The following OR8B8 variants were observed in gnomAD, a reference collection of about 807,000 sequenced individuals.
OR8B8 encodes the protein olfactory receptor 8B8.
In OR8B8, 8 loss-of-function variants were observed where a neutral mutation model predicts 10.5. The observed-to-expected ratio is 0.76, with a 90% CI of 0.45 to 1.38. OR8B8 has a LOEUF of 1.38. OR8B8 is among the 40% of genes most tolerant of loss of function. OR8B8 has a pLI of 0.00. For missense variants in OR8B8, 390 were observed against 380.5 expected (o/e 1.03, Z -0.21); for synonymous variants, 150 against 145.2 (o/e 1.03, Z -0.24).
rs1413733903 is a variant in OR8B8 at position 124,440,338 on chromosome 11, G to C, written c.748C>G (p.Leu250Val). 9 of 1,614,114 alleles carry C rather than the reference G, an allele frequency of 5.6e-6. No homozygotes were observed. Among genetic ancestry groups the C allele is most frequent in the African/African-American group, 2.7e-5 (2 of 74,934 alleles). Residue 250 changes from leucine to valine, a missense_variant, in exon 3 of 3, where the codon CTG becomes GTG. Physicochemically the swap from Leu to Val is conservative, Grantham distance 32 (BLOSUM62 1). Coordinates refer to ENST00000642064, the MANE Select transcript of OR8B8 (RefSeq NM_012378.2). ...ATGAATGCTCCTGACCCAAAGAACA[G>C]AGAAACTGCAATTATGTGGGAGCTG... is the stretch of plus-strand genomic sequence containing the variant. ...TCSSHIIAVS[L>V]FFGSGAFMYL...
chr11:124,441,931 T>TG, intron 1 of OR8B8, among the ~76,000 whole-genome samples: 1 of 152,198 alleles, frequency 6.6e-6, no homozygotes, highest in Non-Finnish European at 1.5e-5. Context: ...CTCATACCCT[T>TG]GATAATATTT....
intron 1 of OR8B8, among the ~76,000 whole-genome samples, chr11:124,442,772 C>T (rs957370520): frequency 1.3e-5 from 2 of 152,194 alleles, no homozygotes; most frequent in African/African-American, 2.4e-5. Context: ...TGACAAAAGT[C>T]ATCCCTTCTG....
At chr11:124,442,097 C>T (rs1591449476) in intron 1 of OR8B8, among the ~76,000 whole-genome samples, 1 of 152,122 alleles carries the variant, frequency 6.6e-6, no homozygotes, top group East Asian at 1.9e-4. Context: ...CCTCAGCATG[C>T]CAGGATCCAA....
chr11:124,442,456 T>A (rs1861483893), intron 1 of OR8B8, among the ~76,000 whole-genome samples: 1 of 152,224 alleles, frequency 6.6e-6, no homozygotes, highest in African/African-American at 2.4e-5. Context: ...AACCTATCAC[T>A]TATATTTCAG....
chr11:124,440,714 C>T lies in OR8B8; in HGVS notation c.372G>A (p.Val124=), dbSNP rs1280324600. The T allele has an allele frequency of 1.2e-6, 2 of 1,614,020 alleles. No individual in the cohort carries two copies. Among genetic ancestry groups the T allele is most frequent in the Admixed American group, 3.3e-5 (2 of 60,004 alleles). ...ILSAMAYDRY[V]AICNPLLYMV... is the part of the protein sequence containing the mutation. ...TGTACAACAGTGGGTTACAGATGGC[C>T]ACATAGCGGTCATACGCCATTGCTG... is the stretch of plus-strand genomic sequence containing the variant. Residue 124 remains valine, a synonymous_variant, in exon 3 of 3, where the codon GTG becomes GTA. Transcript: ENST00000642064.
rs370521578 is a variant in OR8B8 at position 124,441,047 on chromosome 11, G to T, written c.39C>A (p.Ile13=). The part of the protein sequence containing the change: ...AENSSFVTQF[I]LAGLTDQPGV... ...CCGGTTGGTCAGTTAAGCCTGCGAG[G>T]ATAAACTGTGTCACGAAGGAGGAAT... The change falls in exon 3 of 3, where the codon ATC becomes ATA. Residue 13 remains isoleucine, a synonymous_variant. Transcript: ENST00000642064. 1.2e-5 allele frequency: 19 copies of T among 1,612,728 alleles called. No homozygotes were observed. Among genetic ancestry groups the T allele is most frequent in the African/African-American group, 2.7e-5 (2 of 74,902 alleles).
At chr11:124,445,290 C>T (rs1189116226) in intron 1 of OR8B8, among the ~76,000 whole-genome samples, 1 of 152,108 alleles carries the variant, frequency 6.6e-6, no homozygotes, top group Non-Finnish European at 1.5e-5. Context: ...CATTCTTCAC[C>T]CTCTTCCAGG....
At position 124,440,200 on chromosome 11, in the gene OR8B8, C is replaced by A. The variant is rs565152819; in HGVS notation, c.886G>T (p.Asp296Tyr). 6.2e-6 allele frequency: 10 copies of A among 1,614,004 alleles called. No homozygotes were observed. The African/African-American group carries it at 1.1e-4, about 17-fold the overall frequency. The change falls in exon 3 of 3, where the codon GAC becomes TAC. Residue 296 changes from aspartate (D) to tyrosine (Y), a missense_variant. Asp to Tyr is a radical substitution (Grantham distance 160). Transcript: ENST00000642064. ...NPLIYSLRNK[D>Y]VKVALKKILN... ...ATTTTCTTTAGAGCAACTTTGACGT[C>A]CTTATTCCTCAGGCTATAAATTAAT...
rs1251786360 is a variant in OR8B8, at chr11:124,440,149, C to T, written c.*1G>A. 1 of 1,609,058 alleles carries T rather than the reference C, an allele frequency of 6.2e-7. No homozygotes were observed. On this transcript the variant is annotated 3_prime_UTR_variant, in exon 3 of 3. Coordinates refer to ENST00000642064, the MANE Select transcript of OR8B8 (RefSeq NM_012378.2). ...TTTCTTTCCTGAGCATTGCCCTTTT[C>T]TCAGGAGAATGCATTTTTGTTCAAG...
chr11:124,440,849 G>C lies in OR8B8; in HGVS notation c.237C>G (p.Pro79=). 1 of 1,614,062 alleles carries C rather than the reference G, an allele frequency of 6.2e-7. No homozygotes were observed. Among genetic ancestry groups the C allele is most frequent in the Non-Finnish European group, 8.5e-7 (1 of 1,179,930 alleles). ...IDFCYSSVIT[P]KMLMSFVLKK... ...TTAAGACAAAGCTCATCAGCATTTT[G>C]GGAGTGATAACACTGGAATAGCAGA... Residue 79 remains proline (P), a synonymous_variant, in exon 3 of 3, where the codon CCC becomes CCG. Transcript: ENST00000642064.
In OR8B8 at chr11:124,440,313, A is replaced by G. The variant is rs753920088; in HGVS notation, c.773T>C (p.Met258Thr). Reference sequence around the variant, plus strand: ...TAAAAGAGAAAAGGGTTTGAGGTACATGAATGCTCCTGACCCAAAGAACAG... The same window carrying G: ...TAAAAGAGAAAAGGGTTTGAGGTACGTGAATGCTCCTGACCCAAAGAACAG... ...VSLFFGSGAF[M>T]YLKPFSLLAM... Residue 258 changes from methionine (M) to threonine (T), a missense_variant, in exon 3 of 3, where the codon ATG becomes ACG. Transcript: ENST00000642064. 2 of 1,614,222 alleles carry G rather than the reference A, an allele frequency of 1.2e-6. No individual in the cohort carries two copies. Among genetic ancestry groups the G allele is most frequent in the Non-Finnish European group, 1.7e-6 (2 of 1,180,042 alleles).
chr11:124,440,094 G>C lies in OR8B8; in HGVS notation c.*56C>G. ...TTATATTTCTTCCATGTAACCAGTG[G>C]AGTCCAAATCACTTATGGGAGAAAC... On this transcript the variant is annotated 3_prime_UTR_variant, in exon 3 of 3. Transcript: ENST00000642064. The C allele has an allele frequency of 7.4e-7, 1 of 1,352,240 alleles. No homozygotes were observed. Among genetic ancestry groups the C allele is most frequent in the Non-Finnish European group, 1.0e-6 (1 of 971,248 alleles). 83.8% of individuals were successfully genotyped at this position (1,352,240 alleles called of 1,614,324 possible). A position where few individuals can be genotyped will look rare whatever the true frequency, so the allele number is the denominator to read the frequency against.
At chr11:124,441,274 C>T in intron 2 of OR8B8, 173 bp from the exon 3 acceptor site, 1 of 577,808 alleles carries the variant, frequency 1.7e-6, no homozygotes. Context: ...ATGGCCAGGG[C>T]AGGTGCTGCT....
intron 1 of OR8B8, among the ~76,000 whole-genome samples, chr11:124,442,126 T>G (rs74524608): frequency 0.27 from 40,610 of 151,898 alleles, 5,952 homozygotes; most frequent in East Asian, 0.53. Flanking sequence ...TTCATATAAT[T>G]TTTCATTTTA....
chr11:124,442,721 C>T (rs997037552), intron 1 of OR8B8, among the ~76,000 whole-genome samples: 2 of 152,154 alleles, frequency 1.3e-5, no homozygotes, highest in Admixed American at 6.5e-5. Flanking sequence ...TTTGCTTTCT[C>T]GTTTTGCTTG....
At chr11:124,444,554 T>C (rs1420818386) in intron 1 of OR8B8, among the ~76,000 whole-genome samples, 3 of 152,226 alleles carry the variant, frequency 2.0e-5, no homozygotes, top group African/African-American at 7.2e-5. Flanking sequence ...AGCAACATTG[T>C]AGTTTTATTC....
Position 124,438,180 on chromosome 11 carries a change from G to A in OR8B8, c.*1970C>T, listed in dbSNP as rs563635156. On this transcript the variant is annotated 3_prime_UTR_variant, in exon 3 of 3. Transcript: ENST00000642064. ...CTAAAGGCAACACAGCTGAGGAGAA[G>A]CTCAGGTTCAAATTTGATTCTACCA... 1.3e-5 allele frequency: 2 copies of A among 152,290 alleles called. No individual in the cohort carries two copies. Among genetic ancestry groups the A allele is most frequent in the African/African-American group, 4.8e-5 (2 of 41,556 alleles). 9.4% of individuals were successfully genotyped at this position (152,290 alleles called of 1,614,324 possible).
At chr11:124,443,763 G>C (rs1036900863) in intron 1 of OR8B8, among the ~76,000 whole-genome samples, 2 of 152,138 alleles carry the variant, frequency 1.3e-5, no homozygotes, top group Admixed American at 6.5e-5. Context: ...GGCTTCTGCT[G>C]TTGCTGTGGC....
chr11:124,444,659 TCA>T (rs1861509339), intron 1 of OR8B8, among the ~76,000 whole-genome samples: 3 of 152,226 alleles, frequency 2.0e-5, no homozygotes, highest in South Asian at 2.1e-4. Flanking sequence ...TGGCGATAAT[TCA>T]CAGTGTCGTT....
Sources: allele counts gnomAD v4.1 joint callset (sites outside exome capture counted in the v4.1 genomes callset), GRCh38; gene constraint gnomAD v4.1.1; transcripts MANE v1.5; gene names NCBI Gene and HGNC (gene_info 2026-07-23, HGNC 2026-07-21).